Variants in ATXN1 observed in about 807,000 individuals in gnomAD.
The protein encoded by ATXN1 is ataxin-1.
In ATXN1, 8 loss-of-function variants were observed where a neutral mutation model predicts 56.4. The ratio of observed to expected loss-of-function variants is 0.14; its 90% CI spans 0.08 to 0.26. The LOEUF (loss-of-function observed/expected upper bound fraction) is 0.26. ATXN1 is among the 10% of genes least tolerant of loss of function. ATXN1 has a pLI of 1.00. For missense variants in ATXN1, 987 were observed against 1,106.5 expected, an observed-to-expected ratio of 0.89 and a Z score of 1.53; for synonymous variants, 514 against 494.6, an observed-to-expected ratio of 1.04 and a Z score of -0.52.
chr6:16,562,372 CAA>C (rs34385461), intron 4 of ATXN1, among the ~76,000 whole-genome samples: 36 of 68,784 alleles, frequency 5.2e-4, no homozygotes, highest in South Asian at 8.7e-4. Context: ...GATCTTGTCT[CAA>C]AAAAAAAAAA....
rs185539197 is a variant in ATXN1, at chr6:16,347,243, G to A, written c.-160-18773C>T. Among the ~76,000 whole-genome samples the A allele has an allele frequency of 1.3e-3, 202 of 152,264 alleles. 1 individual carries two copies. The highest frequency in any genetic ancestry group is 4.7e-3 in the African/African-American group (195 of 41,570). Reference sequence around the variant, plus strand: ...GAGTGCGGGCGCACGGCACTGGCAGGCAGCTCCACCTACTGCCTCTGTGAA... The same window carrying A: ...GAGTGCGGGCGCACGGCACTGGCAGACAGCTCCACCTACTGCCTCTGTGAA... On this transcript the variant is annotated intron_variant, in intron 6 of 7. Transcript: ENST00000436367.
chr6:16,728,682 A>C (rs1759903793), intron 2 of ATXN1, among the ~76,000 whole-genome samples: 1 of 152,208 alleles, frequency 6.6e-6, no homozygotes, highest in South Asian at 2.1e-4. Context: ...CCTTACATTG[A>C]CTATAATCCC....
chr6:16,458,317 T>G (rs2113622592), intron 6 of ATXN1, among the ~76,000 whole-genome samples: 1 of 152,258 alleles, frequency 6.6e-6, no homozygotes, highest in East Asian at 1.9e-4. Context: ...CCATGAATTA[T>G]TCAATGATGT....
intron 2 of ATXN1, among the ~76,000 whole-genome samples, chr6:16,748,625 C>A (rs953472335): frequency 3.3e-5 from 5 of 152,306 alleles, no homozygotes; most frequent in South Asian, 2.1e-4. Flanking sequence ...AACTATTGAT[C>A]ATCTCCATAT....
chr6:16,438,936 A>T (rs1013004391), intron 6 of ATXN1, among the ~76,000 whole-genome samples: 1 of 152,186 alleles, frequency 6.6e-6, no homozygotes, highest in Non-Finnish European at 1.5e-5. Flanking sequence ...GCTATTCTGG[A>T]ATCTCTTGTG....
At chr6:16,341,514 A>ATTT (rs1180798356) in intron 6 of ATXN1, among the ~76,000 whole-genome samples, 21 of 122,710 alleles carry the variant, frequency 1.7e-4, no homozygotes, top group East Asian at 2.5e-4. Context: ...GGTATAGAGG[A>ATTT]TTTTTTTTTT....
chr6:16,369,844 T>C (rs1428641493), intron 6 of ATXN1, among the ~76,000 whole-genome samples: 1 of 152,208 alleles, frequency 6.6e-6, no homozygotes, highest in African/African-American at 2.4e-5. Context: ...GTCTCTGAAA[T>C]GCTAACGGAA....
chr6:16,648,819 C>T (rs1022855772), intron 3 of ATXN1, among the ~76,000 whole-genome samples: 6 of 152,100 alleles, frequency 3.9e-5, no homozygotes, highest in African/African-American at 7.2e-5. Flanking sequence ...TTTGGCATGA[C>T]TTTATAAACA....
chr6:16,550,190 G>A (rs1234444689), intron 4 of ATXN1, among the ~76,000 whole-genome samples: 2 of 149,434 alleles, frequency 1.3e-5, no homozygotes, highest in East Asian at 2.0e-4. Flanking sequence ...GGCATGCAAT[G>A]CTTATGGACA....
At chr6:16,572,661 C>G (rs920717630) in intron 4 of ATXN1, among the ~76,000 whole-genome samples, 4 of 152,072 alleles carry the variant, frequency 2.6e-5, no homozygotes, top group African/African-American at 9.7e-5. Context: ...AGACACAAGC[C>G]CAAGAGAAAA....
intron 6 of ATXN1, among the ~76,000 whole-genome samples, chr6:16,474,400 G>A (rs1330943169): frequency 7.2e-5 from 11 of 152,174 alleles, no homozygotes; most frequent in Admixed American, 7.2e-4. Context: ...ACCTGAAGCA[G>A]AGACAAGCTG....
chr6:16,586,758 T>C (rs1016640037), intron 3 of ATXN1, among the ~76,000 whole-genome samples: 5 of 152,196 alleles, frequency 3.3e-5, no homozygotes, highest in Non-Finnish European at 7.3e-5. Context: ...TGGTGGCTCA[T>C]GCCTGTAATC....
intron 2 of ATXN1, among the ~76,000 whole-genome samples, chr6:16,687,396 C>T (rs1409831968): frequency 6.6e-6 from 1 of 151,490 alleles, no homozygotes; most frequent in Non-Finnish European, 1.5e-5. Flanking sequence ...TATTAAGAAA[C>T]AGGAAAAAAA....
chr6:16,539,821 C>T (rs542416565), intron 4 of ATXN1, among the ~76,000 whole-genome samples: 1 of 152,250 alleles, frequency 6.6e-6, no homozygotes, highest in East Asian at 1.9e-4. Flanking sequence ...TCAACAAAGC[C>T]TTCTCAAGGG....
At chr6:16,754,432 T>C (rs1293817136) in intron 1 of ATXN1, among the ~76,000 whole-genome samples, 2 of 152,236 alleles carry the variant, frequency 1.3e-5, no homozygotes, top group African/African-American at 4.8e-5. Flanking sequence ...TCTGGAGCTA[T>C]GAATATGATC....
intron 2 of ATXN1, among the ~76,000 whole-genome samples, chr6:16,730,487 G>GTGTGTATATATA (rs141836403): frequency 1.5e-5 from 2 of 132,050 alleles, no homozygotes; most frequent in Non-Finnish European, 3.3e-5. Context: ...AAAACAGTAT[G>GTGTGTATATATA]TATATATATA....
intron 1 of ATXN1, among the ~76,000 whole-genome samples, chr6:16,759,530 GTTTTTTTTTTTT>G (rs1046854905): frequency 0.014 from 635 of 45,972 alleles, 8 homozygotes; most frequent in Non-Finnish European, 0.024. Context: ...TCTTCCGACT[GTTTTTTTTTTTT>G]TTTTTTTTTT....
At chr6:16,723,678 A>C (rs1759791039) in intron 2 of ATXN1, among the ~76,000 whole-genome samples, 1 of 152,192 alleles carries the variant, frequency 6.6e-6, no homozygotes, top group South Asian at 2.1e-4. Context: ...ACACAATTTC[A>C]ACTTCTAAGT....
intron 6 of ATXN1, chr6:16,485,404 G>A (rs1375369641): frequency 6.6e-6 from 1 of 152,146 alleles, no homozygotes; most frequent in East Asian, 1.9e-4. Context: ...AAAATCCCAA[G>A]CCAGTAACTG....
Sources: allele counts gnomAD v4.1 joint callset (sites outside exome capture counted in the v4.1 genomes callset), GRCh38; gene constraint gnomAD v4.1.1; transcripts MANE v1.5; gene names NCBI Gene and HGNC (gene_info 2026-07-23, HGNC 2026-07-21).